CNTNAP2: variants seen among roughly 807,000 people sequenced by gnomAD.
CNTNAP2 encodes the protein contactin-associated protein-like 2.
CNTNAP2 carries 98 observed loss-of-function variants against 155.2 expected under a neutral mutation model. That is an observed-to-expected ratio of 0.63 (90% CI 0.54 to 0.75). The LOEUF is 0.75. CNTNAP2 is among the 30% of genes least tolerant of loss of function. CNTNAP2 has a pLI of 0.00. For missense variants in CNTNAP2, 1,727 were observed against 1,688.1 expected, an observed-to-expected ratio of 1.02 and a Z score of -0.40; for synonymous variants, 651 against 631.2, an observed-to-expected ratio of 1.03 and a Z score of -0.47.
intron 1 of CNTNAP2, among the ~76,000 whole-genome samples, chr7:146,753,634 A>G (rs1256669581): frequency 6.6e-6 from 1 of 152,106 alleles, no homozygotes; most frequent in African/African-American, 2.4e-5. Context: ...CAAATTCCTT[A>G]GAAGTTATAT....
chr7:148,010,611 A>G (rs1022522445), intron 15 of CNTNAP2, among the ~76,000 whole-genome samples: 1 of 151,574 alleles, frequency 6.6e-6, no homozygotes, highest in South Asian at 2.1e-4. Flanking sequence ...CAAACATGGG[A>G]AAAATTCTTT....
At chr7:147,266,374 GT>G (rs1471092339) in intron 8 of CNTNAP2, among the ~76,000 whole-genome samples, 2 of 152,164 alleles carry the variant, frequency 1.3e-5, no homozygotes, top group Non-Finnish European at 2.9e-5. Flanking sequence ...ATCTTTTTAA[GT>G]TTTTAATTTG....
At chr7:147,354,615 A>G (rs560902090) in intron 9 of CNTNAP2, among the ~76,000 whole-genome samples, 52 of 152,036 alleles carry the variant, frequency 3.4e-4, no homozygotes, top group South Asian at 1.0e-3. Context: ...TCTTGGCTAC[A>G]TGGGCTCTTT....
intron 1 of CNTNAP2, among the ~76,000 whole-genome samples, chr7:146,570,362 A>C (rs573522804): frequency 1.3e-5 from 2 of 152,284 alleles, no homozygotes; most frequent in Admixed American, 1.3e-4. Flanking sequence ...TGGTCCCACT[A>C]TTCTAAATTT....
intron 13 of CNTNAP2, among the ~76,000 whole-genome samples, chr7:147,664,770 C>T (rs576221135): frequency 7.9e-5 from 12 of 152,274 alleles, no homozygotes; most frequent in African/African-American, 2.6e-4. Context: ...TGCCTGTATC[C>T]GGCCTCCTCT....
At chr7:146,364,753 G>T (rs1327258486) in intron 1 of CNTNAP2, among the ~76,000 whole-genome samples, 4 of 152,300 alleles carry the variant, frequency 2.6e-5, no homozygotes. Context: ...GCCTGTTTAT[G>T]TATGGAACAA....
intron 11 of CNTNAP2, among the ~76,000 whole-genome samples, chr7:147,545,002 A>G (rs1315726519): frequency 1.3e-5 from 2 of 152,134 alleles, no homozygotes; most frequent in Non-Finnish European, 2.9e-5. Flanking sequence ...CAGCATGAGA[A>G]TGAACTGATA....
chr7:146,492,870 G>T (rs1241165628), intron 1 of CNTNAP2, among the ~76,000 whole-genome samples: 4 of 152,044 alleles, frequency 2.6e-5, no homozygotes, highest in Non-Finnish European at 5.9e-5. Context: ...AATCCTGAAT[G>T]CAATAAAATA....
At chr7:147,085,285 C>G (rs1359494640) in intron 4 of CNTNAP2, among the ~76,000 whole-genome samples, 1 of 152,138 alleles carries the variant, frequency 6.6e-6, no homozygotes, top group African/African-American at 2.4e-5. Flanking sequence ...GGCCACGGAC[C>G]TATACTGGTC....
chr7:147,972,122 C>T (rs1048742724), intron 14 of CNTNAP2, among the ~76,000 whole-genome samples: 7 of 152,150 alleles, frequency 4.6e-5, no homozygotes, highest in South Asian at 2.1e-4. Flanking sequence ...GGCTTCTTCT[C>T]ATGTGTTTAT....
chr7:147,026,174 T>C (rs1798915774), intron 3 of CNTNAP2, among the ~76,000 whole-genome samples: 1 of 152,158 alleles, frequency 6.6e-6, no homozygotes, highest in Non-Finnish European at 1.5e-5. Flanking sequence ...GATTTCAAAA[T>C]ATAAATGTAT....
intron 7 of CNTNAP2, among the ~76,000 whole-genome samples, chr7:147,131,315 G>C (rs182753756): frequency 6.4e-4 from 97 of 151,464 alleles, no homozygotes; most frequent in African/African-American, 2.1e-3. Context: ...CATAGAGATA[G>C]AACCAATGAA....
At chr7:146,465,371 C>A (rs569866808) in intron 1 of CNTNAP2, among the ~76,000 whole-genome samples, 1 of 152,230 alleles carries the variant, frequency 6.6e-6, no homozygotes, top group Non-Finnish European at 1.5e-5. Flanking sequence ...TGCAAGTCTG[C>A]AGCACAGAAC....
chr7:148,010,811 G>A (rs777594508), intron 15 of CNTNAP2, among the ~76,000 whole-genome samples: 2 of 151,954 alleles, frequency 1.3e-5, no homozygotes, highest in African/African-American at 4.8e-5. Context: ...TTTTATACAT[G>A]CAAGGGTCTC....
In CNTNAP2 at chr7:146,563,449, A is replaced by T. The variant is rs144072503; in HGVS notation, c.98-210822A>T. 4.6e-3 allele frequency among the ~76,000 whole-genome samples: 699 copies of T among 152,226 alleles called. 5 individuals are homozygous for T. The highest frequency in any genetic ancestry group is 0.016 in the African/African-American group (652 of 41,556). On this transcript the variant is annotated intron_variant, in intron 1 of 23. Transcript: ENST00000361727. ...TTAATACTGCCTATCCTCAGACCCC[A>T]GAGACAAAACATGCTGTCTACTTTC...
At chr7:147,287,079 G>A (rs2116737966) in intron 8 of CNTNAP2, among the ~76,000 whole-genome samples, 1 of 152,260 alleles carries the variant, frequency 6.6e-6, no homozygotes, top group Middle Eastern at 3.4e-3. Flanking sequence ...GGGGACCACA[G>A]CAATGGGATT....
At chr7:147,791,048 A>G (rs1025128446) in intron 13 of CNTNAP2, among the ~76,000 whole-genome samples, 1 of 152,126 alleles carries the variant, frequency 6.6e-6, no homozygotes, top group African/African-American at 2.4e-5. Flanking sequence ...TTACATTATT[A>G]TTTTTAAAAT....
At chr7:146,194,915 C>T (rs1222955910) in intron 1 of CNTNAP2, among the ~76,000 whole-genome samples, 3 of 152,150 alleles carry the variant, frequency 2.0e-5, no homozygotes, top group Non-Finnish European at 4.4e-5. Flanking sequence ...CTGCTGGTCA[C>T]TTCTCCAATC....
chr7:148,123,566 C>A (rs1033291526), intron 16 of CNTNAP2, among the ~76,000 whole-genome samples: 1 of 151,210 alleles, frequency 6.6e-6, no homozygotes, highest in Admixed American at 6.6e-5. Flanking sequence ...AGCTGTACCC[C>A]CTAGCCTGAG....
Sources: gnomAD v4.1 joint callset for allele counts (sites outside exome capture counted in the v4.1 genomes callset) on GRCh38, gnomAD v4.1.1 for gene constraint, MANE v1.5 for transcripts, NCBI Gene and HGNC (gene_info 2026-07-23, HGNC 2026-07-21) for gene names.